DLGAP2: variants seen among roughly 807,000 people sequenced by gnomAD.
DLGAP2 encodes DLG associated protein 2.
In DLGAP2, 26 loss-of-function variants were observed where a neutral mutation model predicts 100.3. The ratio of observed to expected loss-of-function variants is 0.26; its 90% CI spans 0.19 to 0.36. The LOEUF (loss-of-function observed/expected upper bound fraction) is 0.36, where lower values mean the gene tolerates loss of function less well. Ranked by LOEUF, DLGAP2 falls within the 10% of genes least tolerant of loss-of-function variation. The probability of loss-of-function intolerance (pLI) is 1.00; values close to 1 mark genes in which losing one functional copy is unlikely to be tolerated. For missense variants in DLGAP2, 1,858 were observed against 1,453.2 expected (o/e 1.28, Z -4.53); for synonymous variants, 886 against 630.1 (o/e 1.41, Z -6.08).
chr8:1,164,121 G>A (rs1796949734), intron 2 of DLGAP2, among the ~76,000 whole-genome samples: 1 of 118,660 alleles, frequency 8.4e-6, no homozygotes, highest in South Asian at 2.6e-4. Flanking sequence ...AGCCCGCAGG[G>A]CCCGTCATTT....
chr8:1,615,824 C>A (rs1188782300), intron 6 of DLGAP2, among the ~76,000 whole-genome samples: 1 of 150,620 alleles, frequency 6.6e-6, no homozygotes, highest in Non-Finnish European at 1.5e-5. Context: ...ATCTTTAAAG[C>A]AGCCATTGTA....
intron 3 of DLGAP2, among the ~76,000 whole-genome samples, chr8:1,336,647 G>A (rs1801281841): frequency 6.6e-6 from 1 of 152,150 alleles, no homozygotes; most frequent in South Asian, 2.1e-4. Context: ...GATGCATCTG[G>A]AACAGGCTGG....
At chr8:800,821 C>T (rs116245757) in intron 1 of DLGAP2, among the ~76,000 whole-genome samples, 1 of 152,216 alleles carries the variant, frequency 6.6e-6, no homozygotes, top group African/African-American at 2.4e-5. Flanking sequence ...GTGACATTTG[C>T]TGAGAAGAGG....
chr8:832,492 A>T (rs1471749407), intron 1 of DLGAP2, among the ~76,000 whole-genome samples: 1 of 152,208 alleles, frequency 6.6e-6, no homozygotes, highest in Non-Finnish European at 1.5e-5. Flanking sequence ...TGTATCTGTA[A>T]GTCAAGGCTC....
At chr8:1,318,720 A>T (rs1336007839) in intron 3 of DLGAP2, among the ~76,000 whole-genome samples, 1 of 150,640 alleles carries the variant, frequency 6.6e-6, no homozygotes, top group African/African-American at 2.5e-5. Context: ...AGTGGTTCCT[A>T]TTCGTACTTA....
chr8:1,305,890 G>T (rs775694826), intron 3 of DLGAP2, among the ~76,000 whole-genome samples: 1 of 152,076 alleles, frequency 6.6e-6, no homozygotes, highest in Non-Finnish European at 1.5e-5. Context: ...CTACTTATGT[G>T]CTTTTATAAA....
At chr8:1,069,978 A>T (rs1358239513) in intron 2 of DLGAP2, among the ~76,000 whole-genome samples, 2 of 152,234 alleles carry the variant, frequency 1.3e-5, no homozygotes, top group East Asian at 3.8e-4. Flanking sequence ...TTTAGATCAG[A>T]GTACATTAAA....
At chr8:801,968 TCTGCACCCCTCCTG>T (rs1796163927) in intron 1 of DLGAP2, among the ~76,000 whole-genome samples, 3 of 145,010 alleles carry the variant, frequency 2.1e-5, no homozygotes, top group Non-Finnish European at 4.7e-5. Context: ...TGGGGAACGG[TCTGCACCCCTCCTG>T]GGTCCTCTGT....
At chr8:1,407,506 A>C (rs79390510) in intron 3 of DLGAP2, among the ~76,000 whole-genome samples, 4 of 142,724 alleles carry the variant, frequency 2.8e-5, no homozygotes, top group African/African-American at 2.6e-5. Flanking sequence ...ACTGAGCGCC[A>C]CCTCCTCATC....
chr8:1,044,677 A>G (rs1211878830), intron 2 of DLGAP2, among the ~76,000 whole-genome samples: 1 of 152,138 alleles, frequency 6.6e-6, no homozygotes, highest in Non-Finnish European at 1.5e-5. Context: ...ATTGCACTAA[A>G]AGACTAGAAG....
intron 2 of DLGAP2, among the ~76,000 whole-genome samples, chr8:1,101,079 G>T (rs1002044698): frequency 6.6e-6 from 1 of 152,304 alleles, no homozygotes; most frequent in African/African-American, 2.4e-5. Context: ...TACTCCTCAG[G>T]GGCTAGAAGG....
chr8:1,313,625 G>A (rs903170019), intron 3 of DLGAP2, among the ~76,000 whole-genome samples: 2 of 152,154 alleles, frequency 1.3e-5, no homozygotes, highest in African/African-American at 4.8e-5. Flanking sequence ...AAAGTCAGGG[G>A]TGGATTCAGG....
chr8:1,701,224 C>G lies in DLGAP2; in HGVS notation c.2986C>G (p.Pro996Ala). ...GGTCCCGCCTCCAATACCAAAGAAG[C>G]CTCCCAAGGGGAAGTTTCCCATCAC... ...RKVPPPIPKK[P>A]PKGKFPITRE... Residue 996 changes from proline (P) to alanine (A), a missense_variant, in exon 15 of 15, where the codon CCT becomes GCT. Coordinates refer to ENST00000637795, the MANE Select transcript of DLGAP2 (RefSeq NM_001346810.2). 2 of 1,574,966 alleles carry G rather than the reference C, an allele frequency of 1.3e-6. No homozygotes were observed.
At position 1,057,002 on chromosome 8, in the gene DLGAP2, C is replaced by T. The variant is rs376632884; in HGVS notation, c.73+149036C>T. Among the ~76,000 whole-genome samples, 6 of 152,206 alleles carry T rather than the reference C, an allele frequency of 3.9e-5. 1 individual carries two copies. Among genetic ancestry groups the T allele is most frequent in the Admixed American group, 1.3e-4 (2 of 15,280 alleles). On this transcript the variant is annotated intron_variant, in intron 2 of 14. Transcript: ENST00000637795. ...GAGACAGACCGTGTTCGTTAGTTTT[C>T]GTTAACCCCAAGAACTCATGGACCC...
intron 1 of DLGAP2, among the ~76,000 whole-genome samples, chr8:813,678 T>A (rs1220784234): frequency 6.6e-6 from 1 of 152,208 alleles, no homozygotes; most frequent in Non-Finnish European, 1.5e-5. Flanking sequence ...CCTGCTCTGC[T>A]GAACTTTTTG....
intron 4 of DLGAP2, among the ~76,000 whole-genome samples, chr8:1,503,079 T>TG (rs1178374756): frequency 2.0e-5 from 3 of 152,124 alleles, no homozygotes; most frequent in African/African-American, 7.2e-5. Context: ...GGGATGAGGC[T>TG]GGGGGGCGAA....
intron 2 of DLGAP2, among the ~76,000 whole-genome samples, chr8:1,201,235 G>C (rs1797865908): frequency 6.6e-6 from 1 of 152,192 alleles, no homozygotes. Context: ...GTGCATGCAC[G>C]CGTGTGATTG....
At chr8:743,949 A>T (rs1820550356) in intron 1 of DLGAP2, among the ~76,000 whole-genome samples, 1 of 152,234 alleles carries the variant, frequency 6.6e-6, no homozygotes, top group Admixed American at 6.5e-5. Flanking sequence ...AGGGCTGAAG[A>T]CGTGGATTCA....
intron 1 of DLGAP2, among the ~76,000 whole-genome samples, chr8:758,993 A>AC (rs1219816308): frequency 2.7e-5 from 4 of 150,848 alleles, no homozygotes; most frequent in Middle Eastern, 3.4e-3. Context: ...CATTATCAAT[A>AC]CCCCCAACAG....
Sources: allele counts gnomAD v4.1 joint callset (sites outside exome capture counted in the v4.1 genomes callset), GRCh38; gene constraint gnomAD v4.1.1; transcripts MANE v1.5; gene names NCBI Gene and HGNC (gene_info 2026-07-23, HGNC 2026-07-21).